SCEL: variants seen among roughly 807,000 people sequenced by gnomAD.
SCEL encodes the protein sciellin.
A neutral mutation model predicts 117.6 loss-of-function variants in SCEL; 113 were observed. That is an observed-to-expected ratio of 0.96 (90% CI 0.83 to 1.12). The LOEUF is 1.12. Among genes scored for constraint, SCEL ranks in the 50% most tolerant of loss-of-function variants. The pLI is 0.00. For synonymous variants in SCEL, 270 were observed against 256.2 expected (o/e 1.05, Z -0.51); for missense variants, 785 against 810.8 (o/e 0.97, Z 0.39).
intron 1 of SCEL, among the ~76,000 whole-genome samples, chr13:77,543,009 C>T (rs2154394042): frequency 6.6e-6 from 1 of 152,158 alleles, no homozygotes; most frequent in East Asian, 1.9e-4. Context: ...AAGTGAATAC[C>T]ACCAGGGCAA....
chr13:77,565,018 C>A (rs557034001), intron 5 of SCEL, among the ~76,000 whole-genome samples: 19 of 152,222 alleles, frequency 1.2e-4, no homozygotes, highest in African/African-American at 4.3e-4. Flanking sequence ...CCTGGTCTTG[C>A]AGATGGTTAA....
At chr13:77,610,890 G>A (rs1230890744) in intron 22 of SCEL, among the ~76,000 whole-genome samples, 2 of 152,026 alleles carry the variant, frequency 1.3e-5, no homozygotes, top group East Asian at 3.8e-4. Context: ...TATATAGAAA[G>A]AATCTTCTCT....
chr13:77,541,377 GGT>G (rs2083693132), intron 1 of SCEL, among the ~76,000 whole-genome samples: 1 of 152,108 alleles, frequency 6.6e-6, no homozygotes, highest in Non-Finnish European at 1.5e-5. Flanking sequence ...ATATGTTGCT[GGT>G]GGATGATAAA....
At position 77,558,765 on chromosome 13, in the gene SCEL, G is replaced by A. The variant is rs569017055; in HGVS notation, c.162-1039G>A. 2.6e-3 allele frequency among the ~76,000 whole-genome samples: 368 copies of A among 139,264 alleles called. 2 individuals carry two copies. The highest frequency in any genetic ancestry group is 8.8e-3 in the African/African-American group (335 of 37,914). 91.4% of individuals were successfully genotyped at this position (139,264 alleles called of 152,430 possible). A position where few individuals can be genotyped will look rare whatever the true frequency, so the allele number is the denominator to read the frequency against. ...GAGGAGGCAGAGGTTGCAGTGAGCC[G>A]AGATATCGCACCACTGCACTCCAGC... On this transcript the variant is annotated intron_variant, in intron 3 of 32. Transcript: ENST00000349847.
At chr13:77,571,730 T>TATATATAG (rs1294104312) in intron 8 of SCEL, among the ~76,000 whole-genome samples, 2 of 150,214 alleles carry the variant, frequency 1.3e-5, no homozygotes, top group East Asian at 2.0e-4. Context: ...TATATATATA[T>TATATATAG]AGAGTAGAGT....
chr13:77,568,131 A>G (rs1162848614), intron 6 of SCEL, among the ~76,000 whole-genome samples, 164 bp from the exon 7 acceptor site: 5 of 152,254 alleles, frequency 3.3e-5, no homozygotes, highest in Non-Finnish European at 7.3e-5. Context: ...TACAAGAGAC[A>G]AAATCATGAA....
At chr13:77,633,805 C>G (rs1285128332) in intron 28 of SCEL, among the ~76,000 whole-genome samples, 2 of 152,178 alleles carry the variant, frequency 1.3e-5, no homozygotes, top group African/African-American at 4.8e-5. Context: ...TGTGGGGTTA[C>G]CTGCATAAAC....
chr13:77,565,854 A>T (rs34469540), intron 5 of SCEL, among the ~76,000 whole-genome samples: 3,085 of 152,298 alleles, frequency 0.02, 45 homozygotes, highest in Non-Finnish European at 0.034. Flanking sequence ...CTAGGTTAGG[A>T]GGCCCTCTAG....
intron 11 of SCEL, among the ~76,000 whole-genome samples, chr13:77,593,300 G>GTGTGTGCGTC (rs1555510797): frequency 1.1e-4 from 16 of 145,230 alleles, no homozygotes; most frequent in African/African-American, 4.1e-4. Context: ...GTGTGTGTCT[G>GTGTGTGCGTC]TGTGTGTGTG....
At chr13:77,601,846 G>GTTAC (rs1236827589) in intron 15 of SCEL, among the ~76,000 whole-genome samples, 1 of 152,158 alleles carries the variant, frequency 6.6e-6, no homozygotes, top group African/African-American at 2.4e-5. Context: ...GTAATGGTTG[G>GTTAC]TATCTTAGTC....
intron 9 of SCEL, among the ~76,000 whole-genome samples, chr13:77,582,778 T>G (rs375730505): frequency 6.6e-6 from 1 of 152,236 alleles, no homozygotes; most frequent in Admixed American, 6.5e-5. Context: ...TTTGTTATTA[T>G]GTTTAAGAAC....
chr13:77,566,242 A>T (rs2085281302), intron 5 of SCEL, among the ~76,000 whole-genome samples: 1 of 152,206 alleles, frequency 6.6e-6, no homozygotes, highest in Admixed American at 6.5e-5. Context: ...ACGATTTGGG[A>T]GATAGACTAC....
chr13:77,642,752 G>T lies in SCEL; in HGVS notation c.1994G>T (p.Ser665Ile). The T allele has an allele frequency of 6.2e-7, 1 of 1,607,252 alleles. No homozygotes were observed. The highest frequency in any genetic ancestry group is 8.5e-7 in the Non-Finnish European group (1 of 1,176,416). The change falls in exon 32 of 33, where the codon AGT becomes ATT. Residue 665 changes from serine to isoleucine, a missense_variant. By Grantham distance (142) the Ser-to-Ile change is moderately radical. Transcript: ENST00000349847. ...TTGGAAAATCTACAAGCGGGTGATA[G>T]TATTTGGATTTATAGACAGACAATA... ...QPLENLQAGD[S>I]IWIYRQTIHC...
rs184298260 is a variant in SCEL, at chr13:77,634,357, A to G, written c.1692-22A>G. 4.1e-5 allele frequency: 65 copies of G among 1,596,504 alleles called. No homozygotes were observed. In the African/African-American group the frequency reaches 6.8e-4, roughly 17 times the overall value. On this transcript the variant is annotated intron_variant, in intron 28 of 32. Transcript: ENST00000349847. The stretch of plus-strand genomic sequence containing the variant: ...CCTTGCAAATAAACTTTAATCATGA[A>G]GTAAAATGATTTGTTTTGCAGCTCT...
Position 77,618,927 on chromosome 13 carries a change from T to G in SCEL, c.1628+867T>G, listed in dbSNP as rs187773016. 1.2e-3 allele frequency among the ~76,000 whole-genome samples: 190 copies of G among 152,272 alleles called. 1 individual carries two copies. Among genetic ancestry groups the G allele is most frequent in the Non-Finnish European group, 1.9e-3 (130 of 67,998 alleles). On this transcript the variant is annotated intron_variant, in intron 27 of 32. Coordinates refer to ENST00000349847, the MANE Select transcript of SCEL (RefSeq NM_144777.3). ...CACAAAATATTACCAATTTTAACCA[T>G]AAGCTTCCATTTTACACTCTTAAGA...
intron 27 of SCEL, among the ~76,000 whole-genome samples, chr13:77,624,206 C>T (rs1202414133): frequency 6.6e-6 from 1 of 150,474 alleles, no homozygotes; most frequent in African/African-American, 2.4e-5. Context: ...CCCCAGTTCA[C>T]ACAATTCTCC....
At chr13:77,564,026 T>G (rs1014995872) in intron 5 of SCEL, 127 bp downstream of exon 5, 2 of 613,324 alleles carry the variant, frequency 3.3e-6, no homozygotes, top group African/African-American at 3.9e-5. Context: ...TTCCCAGGGA[T>G]GGAGGGCTCT....
At chr13:77,560,265 T>TAAA (rs5804913) in intron 4 of SCEL, among the ~76,000 whole-genome samples, 3,112 of 133,092 alleles carry the variant, frequency 0.023, 128 homozygotes, top group East Asian at 0.13. Flanking sequence ...ACCCTGCCTC[T>TAAA]AAAAAAAAAA....
At chr13:77,549,376 G>A (rs1390923514) in intron 1 of SCEL, among the ~76,000 whole-genome samples, 2 of 152,134 alleles carry the variant, frequency 1.3e-5, no homozygotes, top group East Asian at 3.8e-4. Flanking sequence ...TTTTAAAATA[G>A]CAGGTGCTCA....
Sources: gnomAD v4.1 joint callset for allele counts (sites outside exome capture counted in the v4.1 genomes callset) on GRCh38, gnomAD v4.1.1 for gene constraint, MANE v1.5 for transcripts, NCBI Gene and HGNC (gene_info 2026-07-23, HGNC 2026-07-21) for gene names.